ASIC2: variants seen among roughly 807,000 people sequenced by gnomAD.
ASIC2 encodes the protein acid-sensing ion channel 2.
In ASIC2, 25 loss-of-function variants were observed where a neutral mutation model predicts 57.3. That is an observed-to-expected ratio of 0.44 (90% CI 0.32 to 0.61). The LOEUF is 0.61. Ranked by LOEUF, ASIC2 falls within the 20% of genes least tolerant of loss-of-function variation. ASIC2 has a pLI of 0.06. For missense variants in ASIC2, 641 were observed against 738.1 expected (o/e 0.87, Z 1.52); for synonymous variants, 319 against 307.5 (o/e 1.04, Z -0.39).
intron 1 of ASIC2, among the ~76,000 whole-genome samples, chr17:33,943,461 C>T (rs184089135): frequency 1.3e-5 from 2 of 152,240 alleles, no homozygotes; most frequent in African/African-American, 2.4e-5. Context: ...CTTCCACAGC[C>T]CTCCCTCCAT....
At chr17:33,596,685 C>T (rs1191712732) in intron 1 of ASIC2, among the ~76,000 whole-genome samples, 1 of 152,142 alleles carries the variant, frequency 6.6e-6, no homozygotes, top group African/African-American at 2.4e-5. Flanking sequence ...TCTCTCCCTC[C>T]TCCTTCCTTT....
rs756059318 is a variant in ASIC2, at chr17:33,799,403, T to TTTCTTTTCTTTCTTTCTTTCTTTC, written c.555+356574_555+356575insGAAAGAAAGAAAGAAAGAAAAGAA. On this transcript the variant is annotated intron_variant, in intron 1 of 9. Transcript: ENST00000359872. ...CTTTCTTTCTTTCTTTCTTTCTTTC[T>TTTCTTTTCTTTCTTTCTTTCTTTC]TTTCTTTCTTTCTTTCTTTCTTTCT... Among the ~76,000 whole-genome samples, 21 of 51,362 alleles carry TTTCTTTTCTTTCTTTCTTTCTTTC rather than the reference T, an allele frequency of 4.1e-4. 1 individual carries two copies. The highest frequency in any genetic ancestry group is 1.3e-3 in the African/African-American group (21 of 15,564). 33.7% of individuals were successfully genotyped at this position (51,362 alleles called of 152,430 possible). A position where few individuals can be genotyped will look rare whatever the true frequency, so the allele number is the denominator to read the frequency against.
intron 1 of ASIC2, among the ~76,000 whole-genome samples, chr17:33,372,865 G>A (rs1909130824): frequency 6.6e-6 from 1 of 152,204 alleles, no homozygotes; most frequent in African/African-American, 2.4e-5. Context: ...GCAGTGGAAG[G>A]ACAGGCTTGG....
intron 1 of ASIC2, among the ~76,000 whole-genome samples, chr17:34,015,371 A>T (rs917275797): frequency 6.6e-6 from 1 of 152,176 alleles, no homozygotes; most frequent in African/African-American, 2.4e-5. Context: ...TTCACAGCTG[A>T]ATTCCACAGG....
At chr17:33,249,592 C>T (rs548777436) in intron 1 of ASIC2, among the ~76,000 whole-genome samples, 3 of 152,264 alleles carry the variant, frequency 2.0e-5, no homozygotes, top group East Asian at 3.9e-4. Context: ...TGAATAAACA[C>T]GTCAGTGGTG....
At chr17:33,989,948 G>A (rs759962731) in intron 1 of ASIC2, among the ~76,000 whole-genome samples, 8 of 152,154 alleles carry the variant, frequency 5.3e-5, no homozygotes, top group South Asian at 4.1e-4. Flanking sequence ...AGGCACTTCC[G>A]GTGATATTGA....
At chr17:33,072,415 T>C (rs2092072910) in intron 3 of ASIC2, among the ~76,000 whole-genome samples, 1 of 151,986 alleles carries the variant, frequency 6.6e-6, no homozygotes, top group Non-Finnish European at 1.5e-5. Flanking sequence ...ACTGCCATCA[T>C]TCGTCCAGGC....
chr17:33,633,127 G>C (rs1906227780), intron 1 of ASIC2, among the ~76,000 whole-genome samples: 1 of 152,204 alleles, frequency 6.6e-6, no homozygotes, highest in Non-Finnish European at 1.5e-5. Flanking sequence ...TCCAAGGACT[G>C]GTGAGGGTCG....
chr17:33,726,764 T>A (rs1440010731), intron 1 of ASIC2, among the ~76,000 whole-genome samples: 1 of 152,214 alleles, frequency 6.6e-6, no homozygotes, highest in Non-Finnish European at 1.5e-5. Context: ...GATTAAAAGA[T>A]TAAATGAGAG....
intron 1 of ASIC2, among the ~76,000 whole-genome samples, chr17:33,951,664 C>A (rs1437195690): frequency 6.6e-6 from 1 of 151,900 alleles, no homozygotes. Flanking sequence ...CTCACTGCAA[C>A]CTCCACCTTC....
intron 1 of ASIC2, among the ~76,000 whole-genome samples, chr17:33,752,691 A>T (rs1910471157): frequency 6.6e-6 from 1 of 152,234 alleles, no homozygotes; most frequent in Non-Finnish European, 1.5e-5. Flanking sequence ...AGATAAGTAT[A>T]CAAAAAGATG....
At chr17:33,575,765 T>C (rs1011017978) in intron 1 of ASIC2, among the ~76,000 whole-genome samples, 2 of 152,076 alleles carry the variant, frequency 1.3e-5, no homozygotes, top group Non-Finnish European at 2.9e-5. Context: ...CTGGACTCGG[T>C]AGGTTTCATG....
intron 1 of ASIC2, among the ~76,000 whole-genome samples, chr17:33,222,902 A>T (rs2142099129): frequency 1.3e-5 from 2 of 152,270 alleles, no homozygotes; most frequent in East Asian, 3.9e-4. Flanking sequence ...GCCAGTTCAC[A>T]TCAGGAATCC....
At chr17:33,883,418 G>A (rs1214680650) in intron 1 of ASIC2, among the ~76,000 whole-genome samples, 1 of 152,190 alleles carries the variant, frequency 6.6e-6, no homozygotes, top group African/African-American at 2.4e-5. Flanking sequence ...GGGGAATCAT[G>A]TAGTTGTTTA....
At chr17:33,253,290 C>G (rs1458771245) in intron 1 of ASIC2, among the ~76,000 whole-genome samples, 1 of 152,118 alleles carries the variant, frequency 6.6e-6, no homozygotes, top group Non-Finnish European at 1.5e-5. Flanking sequence ...AGCTCAAGAC[C>G]AAACAGATAT....
intron 1 of ASIC2, among the ~76,000 whole-genome samples, chr17:33,555,063 G>T (rs1002236090): frequency 2.1e-4 from 32 of 152,060 alleles, no homozygotes; most frequent in African/African-American, 7.7e-4. Flanking sequence ...GATCTGTCTG[G>T]CTCCAATGTC....
At chr17:33,133,361 T>A (rs1462455079) in intron 1 of ASIC2, among the ~76,000 whole-genome samples, 2 of 151,926 alleles carry the variant, frequency 1.3e-5, no homozygotes, top group Non-Finnish European at 2.9e-5. Context: ...GTGGAGGAAG[T>A]ACTGGATGGG....
At chr17:33,305,177 G>A (rs1413773713) in intron 1 of ASIC2, among the ~76,000 whole-genome samples, 1 of 152,154 alleles carries the variant, frequency 6.6e-6, no homozygotes, top group Non-Finnish European at 1.5e-5. Flanking sequence ...TAACAAAGTA[G>A]ATGTTGTTTT....
At chr17:33,116,833 G>A (rs2092283069) in intron 1 of ASIC2, among the ~76,000 whole-genome samples, 1 of 151,920 alleles carries the variant, frequency 6.6e-6, no homozygotes, top group African/African-American at 2.4e-5. Flanking sequence ...CCCCAGATTG[G>A]CACAGTCATA....
Sources: gnomAD v4.1 joint callset for allele counts (sites outside exome capture counted in the v4.1 genomes callset) on GRCh38, gnomAD v4.1.1 for gene constraint, MANE v1.5 for transcripts, NCBI Gene and HGNC (gene_info 2026-07-23, HGNC 2026-07-21) for gene names.